Variants in PAPPA2 observed in about 807,000 individuals in gnomAD.
PAPPA2 encodes the protein pappalysin 2.
PAPPA2 carries 86 observed loss-of-function variants against 176.4 expected under a neutral mutation model. The ratio of observed to expected loss-of-function variants is 0.49; its 90% CI spans 0.41 to 0.58. The LOEUF (loss-of-function observed/expected upper bound fraction) is 0.58, where lower values mean the gene tolerates loss of function less well. PAPPA2 is among the 20% of genes least tolerant of loss of function. The pLI, the probability that PAPPA2 is intolerant of heterozygous loss-of-function variation, is 0.00. For synonymous variants in PAPPA2, 809 were observed against 852.2 expected (o/e 0.95, Z 0.88); for missense variants, 2,073 against 2,256.9 (o/e 0.92, Z 1.65).
intron 1 of PAPPA2, among the ~76,000 whole-genome samples, chr1:176,547,300 A>T (rs746436513): frequency 6.6e-6 from 1 of 152,142 alleles, no homozygotes; most frequent in Non-Finnish European, 1.5e-5. Flanking sequence ...CCATTCTGAG[A>T]TAGATTGAAA....
At position 176,571,795 on chromosome 1, in the gene PAPPA2, A is replaced by G. The variant is rs1390902052; in HGVS notation, c.919+14554A>G. On this transcript the variant is annotated intron_variant, in intron 2 of 22. Coordinates refer to ENST00000367662, the MANE Select transcript of PAPPA2 (RefSeq NM_020318.3). Reference sequence around the variant, plus strand: ...TATTTTAGTTATTCTGCTTCTTAGGAGATAGAGTTATGTGATTACAAGATA... The same window carrying G: ...TATTTTAGTTATTCTGCTTCTTAGGGGATAGAGTTATGTGATTACAAGATA... 3.3e-5 allele frequency among the ~76,000 whole-genome samples: 5 copies of G among 152,204 alleles called. No individual in the cohort carries two copies. In the East Asian group the frequency reaches 9.6e-4, roughly 29 times the overall value.
At chr1:176,614,816 A>T (rs1211528671) in intron 3 of PAPPA2, among the ~76,000 whole-genome samples, 1 of 152,226 alleles carries the variant, frequency 6.6e-6, no homozygotes, top group Non-Finnish European at 1.5e-5. Context: ...ACATTAATGC[A>T]CATCACCATT....
intron 14 of PAPPA2, among the ~76,000 whole-genome samples, chr1:176,745,509 C>T (rs1277714842): frequency 6.6e-6 from 1 of 152,142 alleles, no homozygotes; most frequent in Admixed American, 6.6e-5. Context: ...ACTATTAACC[C>T]CAGTACCATC....
At chr1:176,667,932 C>T (rs1028491455) in intron 3 of PAPPA2, among the ~76,000 whole-genome samples, 1 of 152,082 alleles carries the variant, frequency 6.6e-6, no homozygotes, top group Non-Finnish European at 1.5e-5. Context: ...TTGAAGTTTG[C>T]GTGTACATTT....
intron 1 of PAPPA2, among the ~76,000 whole-genome samples, chr1:176,528,453 T>C (rs1279638430): frequency 6.6e-6 from 1 of 152,240 alleles, no homozygotes; most frequent in Non-Finnish European, 1.5e-5. Context: ...TTCAAAAGAC[T>C]TGCCCAAAGG....
intron 1 of PAPPA2, among the ~76,000 whole-genome samples, chr1:176,465,565 A>G (rs900382125): frequency 6.6e-6 from 1 of 151,820 alleles, no homozygotes; most frequent in Non-Finnish European, 1.5e-5. Flanking sequence ...ATACTTCAAT[A>G]TTTAATACAA....
chr1:176,724,705 G>C (rs1163517533), intron 12 of PAPPA2, among the ~76,000 whole-genome samples: 3 of 152,142 alleles, frequency 2.0e-5, no homozygotes, highest in Non-Finnish European at 4.4e-5. Flanking sequence ...AACACTGACT[G>C]TGAATCTTCA....
intron 3 of PAPPA2, among the ~76,000 whole-genome samples, chr1:176,600,592 C>T (rs1187562662): frequency 6.9e-6 from 1 of 145,876 alleles, no homozygotes; most frequent in Non-Finnish European, 1.5e-5. Flanking sequence ...AGGAGAATGG[C>T]GTGAACCCGG....
intron 1 of PAPPA2, among the ~76,000 whole-genome samples, chr1:176,518,035 G>C (rs144800881): frequency 2.5e-3 from 380 of 152,254 alleles, no homozygotes; most frequent in African/African-American, 8.4e-3. Flanking sequence ...GTGACCAACT[G>C]TCTAACCCCC....
At chr1:176,656,439 C>T (rs1393141583) in intron 3 of PAPPA2, among the ~76,000 whole-genome samples, 1 of 151,840 alleles carries the variant, frequency 6.6e-6, no homozygotes, top group Non-Finnish European at 1.5e-5. Flanking sequence ...TGTATGGTGA[C>T]TAAGGGCAGA....
At chr1:176,796,340 A>C (rs1225736448) in intron 20 of PAPPA2, among the ~76,000 whole-genome samples, 1 of 152,232 alleles carries the variant, frequency 6.6e-6, no homozygotes. Flanking sequence ...AGGATGTTTT[A>C]CTCAGGAGCA....
At position 176,487,978 on chromosome 1, in the gene PAPPA2, G is replaced by GA. The variant is rs552002467; in HGVS notation, c.-917+24566dup. Among the ~76,000 whole-genome samples, 155 of 152,200 alleles carry GA rather than the reference G, an allele frequency of 1.0e-3. 1 individual carries two copies. Among genetic ancestry groups the GA allele is most frequent in the South Asian group, 3.9e-3 (19 of 4,828 alleles). ...ACCTGGGATTTTAGGCAGGTAAGTA[G>GA]AAAAAATGGAATGGGCTGTTTTTAA... On this transcript the variant is annotated intron_variant, in intron 1 of 22. Coordinates refer to ENST00000367662, the MANE Select transcript of PAPPA2 (RefSeq NM_020318.3).
chr1:176,582,743 T>G, intron 2 of PAPPA2, among the ~76,000 whole-genome samples: 1 of 152,142 alleles, frequency 6.6e-6, no homozygotes, highest in East Asian at 1.9e-4. Context: ...CCTTGTCTGG[T>G]TTTGGTATTA....
chr1:176,599,121 TTGTG>T (rs763499840), intron 3 of PAPPA2, among the ~76,000 whole-genome samples: 23 of 152,014 alleles, frequency 1.5e-4, no homozygotes, highest in Non-Finnish European at 1.5e-4. Flanking sequence ...GTTCTGATAA[TTGTG>T]TGTATTTTTA....
At chr1:176,623,650 TC>T (rs1453266977) in intron 3 of PAPPA2, among the ~76,000 whole-genome samples, 64 of 132,202 alleles carry the variant, frequency 4.8e-4, no homozygotes, top group African/African-American at 1.9e-3. Context: ...TTTCTTTCTT[TC>T]TTTCTTTCTT....
At chr1:176,515,756 C>T (rs955846312) in intron 1 of PAPPA2, among the ~76,000 whole-genome samples, 2 of 151,992 alleles carry the variant, frequency 1.3e-5, no homozygotes, top group African/African-American at 2.4e-5. Flanking sequence ...AGAGTGAGTT[C>T]CTTACCACTC....
chr1:176,825,308 C>T (rs765357442), intron 21 of PAPPA2, among the ~76,000 whole-genome samples: 2 of 152,200 alleles, frequency 1.3e-5, no homozygotes, highest in Non-Finnish European at 2.9e-5. Context: ...CCTACCTCTA[C>T]TAGGTAATTT....
intron 17 of PAPPA2, among the ~76,000 whole-genome samples, chr1:176,784,092 G>A (rs1378911446): frequency 1.3e-5 from 2 of 152,186 alleles, no homozygotes; most frequent in Non-Finnish European, 1.5e-5. Flanking sequence ...GGTTACTAAT[G>A]TGATTTCCTG....
At chr1:176,786,528 A>G (rs1664941385) in intron 17 of PAPPA2, among the ~76,000 whole-genome samples, 1 of 152,216 alleles carries the variant, frequency 6.6e-6, no homozygotes, top group Admixed American at 6.5e-5. Flanking sequence ...TATGTAATTC[A>G]TTACTCAATA....
Sources: gnomAD v4.1 joint callset for allele counts (sites outside exome capture counted in the v4.1 genomes callset) on GRCh38, gnomAD v4.1.1 for gene constraint, MANE v1.5 for transcripts, NCBI Gene and HGNC (gene_info 2026-07-23, HGNC 2026-07-21) for gene names.